Variants in KDM3B observed in about 807,000 individuals in gnomAD.
KDM3B encodes lysine demethylase 3B.
Under a neutral mutation model 170.0 loss-of-function variants are expected in KDM3B, and 10 were observed. The ratio of observed to expected loss-of-function variants is 0.06; its 90% confidence interval spans 0.04 to 0.10. The LOEUF is 0.10. KDM3B is among the 10% of genes least tolerant of loss of function. KDM3B has a pLI of 1.00. For missense variants in KDM3B, 1,394 were observed against 2,195.2 expected, an observed-to-expected ratio of 0.64 and a Z score of 7.29; for synonymous variants, 831 against 834.8, an observed-to-expected ratio of 1.00 and a Z score of 0.08.
chr5:138,367,683 T>A (rs1430492009), intron 1 of KDM3B, among the ~76,000 whole-genome samples: 1 of 152,194 alleles, frequency 6.6e-6, no homozygotes, highest in East Asian at 1.9e-4. Flanking sequence ...TTAAAAAAAT[T>A]TCTTAGCTGA....
intron 2 of KDM3B, chr5:138,374,407 C>T (rs866579549): frequency 1.8e-5 from 6 of 328,682 alleles, no homozygotes; most frequent in Admixed American, 3.8e-5. Context: ...TACAGGCGCC[C>T]ACCACCACTC....
chr5:138,424,367 G>A (rs1456404811), intron 16 of KDM3B, 26 bp downstream of exon 16: 1 of 1,601,834 alleles, frequency 6.2e-7, no homozygotes, highest in East Asian at 2.2e-5. Context: ...TCGTTCCAAG[G>A]GCCAATTCTC....
At chr5:138,370,577 TAA>T (rs984300006) in intron 1 of KDM3B, among the ~76,000 whole-genome samples, 2 of 152,224 alleles carry the variant, frequency 1.3e-5, no homozygotes, top group South Asian at 2.1e-4. Flanking sequence ...AAAATTTTAT[TAA>T]GTTTTTAATG....
At position 138,374,548 on chromosome 5, in the gene KDM3B, C is replaced by T. The variant is rs369051143; in HGVS notation, c.361-545C>T. Among the ~76,000 whole-genome samples, 29 of 152,298 alleles carry T rather than the reference C, an allele frequency of 1.9e-4. No individual in the cohort carries two copies. The East Asian group carries it at 4.6e-3, about 24-fold the overall frequency. On this transcript the variant is annotated intron_variant, in intron 2 of 23. Transcript: ENST00000314358. ...GCTGGGATTACAGGCGTAGCCACTG[C>T]GCCCGGCTTCTCATTTGTTTTTAAG...
intron 11 of KDM3B, among the ~76,000 whole-genome samples, chr5:138,402,296 C>T (rs774827738): frequency 1.3e-5 from 2 of 152,330 alleles, no homozygotes; most frequent in Non-Finnish European, 2.9e-5. Context: ...TATCTTATTA[C>T]GTGCCAGAAA....
intron 1 of KDM3B, among the ~76,000 whole-genome samples, chr5:138,369,088 C>T (rs1361262412): frequency 6.6e-6 from 1 of 151,994 alleles, no homozygotes; most frequent in Non-Finnish European, 1.5e-5. Flanking sequence ...ATCATGGCAC[C>T]TAGCCATACA....
At chr5:138,416,069 AAAAAT>A (rs1405269807) in intron 12 of KDM3B, among the ~76,000 whole-genome samples, 1 of 152,090 alleles carries the variant, frequency 6.6e-6, no homozygotes, top group African/African-American at 2.4e-5. Flanking sequence ...CATATAATTA[AAAAAT>A]AAAATAAATC....
rs533871648 is a variant in KDM3B at position 138,365,501 on chromosome 5, G to A, written c.193-7173G>A. Reference sequence around the variant, plus strand: ...TCAAACTCCTGACCTCAGGTGATCTGCCTGCCTCGGCCTCCCAGAGTGCTG... The same window carrying A: ...TCAAACTCCTGACCTCAGGTGATCTACCTGCCTCGGCCTCCCAGAGTGCTG... On this transcript the variant is annotated intron_variant, in intron 1 of 23. Transcript: ENST00000314358. Among the ~76,000 whole-genome samples, 264 of 151,802 alleles carry A rather than the reference G, an allele frequency of 1.7e-3. 2 individuals are homozygous for A. The highest frequency in any genetic ancestry group is 6.2e-3 in the African/African-American group (256 of 41,390).
chr5:138,379,016 C>A lies in KDM3B; in HGVS notation c.581-568C>A, dbSNP rs376053830. ...ATAAAGTAATATATTTGAAACTCTG[C>A]GTTCCTAGGAAGACAGGTGCTATAT... On this transcript the variant is annotated intron_variant, in intron 4 of 23. Coordinates refer to ENST00000314358, the MANE Select transcript of KDM3B (RefSeq NM_016604.4). Among the ~76,000 whole-genome samples, 95 of 152,024 alleles carry A rather than the reference C, an allele frequency of 6.2e-4. No individual in the cohort carries two copies. The South Asian group carries it at 0.019, about 31-fold the overall frequency.
chr5:138,388,641 T>TAAA (rs60280463), intron 7 of KDM3B, among the ~76,000 whole-genome samples: 19 of 84,630 alleles, frequency 2.2e-4, no homozygotes, highest in East Asian at 7.2e-4. Flanking sequence ...ACTCCGTCTT[T>TAAA]AAAAAAAAAA....
chr5:138,396,375 G>A (rs1412704781), intron 9 of KDM3B, among the ~76,000 whole-genome samples: 6 of 152,156 alleles, frequency 3.9e-5, no homozygotes, highest in South Asian at 2.1e-4. Context: ...GATTACAGGC[G>A]TGAGCCACTG....
chr5:138,409,650 G>A (rs1762909917), intron 11 of KDM3B, among the ~76,000 whole-genome samples: 1 of 152,142 alleles, frequency 6.6e-6, no homozygotes, highest in Admixed American at 6.6e-5. Context: ...GCGTGTGGTG[G>A]CTCATGTCTG....
intron 19 of KDM3B, 117 bp downstream of exon 19, chr5:138,427,436 A>T: frequency 8.6e-7 from 1 of 1,157,460 alleles, no homozygotes; most frequent in Non-Finnish European, 1.2e-6. Context: ...GTGCTGGAGA[A>T]GTGAATAGTA....
intron 15 of KDM3B, 71 bp downstream of exon 15, chr5:138,421,033 G>A: frequency 6.4e-7 from 1 of 1,554,566 alleles, no homozygotes; most frequent in Non-Finnish European, 8.8e-7. Flanking sequence ...AGATAATTGG[G>A]TTAGAGGGTA....
chr5:138,403,279 A>G (rs1486468550), intron 11 of KDM3B, among the ~76,000 whole-genome samples: 1 of 152,250 alleles, frequency 6.6e-6, no homozygotes, highest in Non-Finnish European at 1.5e-5. Flanking sequence ...GCATTTAATC[A>G]GTAATTATCG....
chr5:138,364,844 A>AC (rs553879431), intron 1 of KDM3B, among the ~76,000 whole-genome samples: 2 of 152,128 alleles, frequency 1.3e-5, no homozygotes, highest in Non-Finnish European at 2.9e-5. Context: ...TCATTCTGCA[A>AC]CCCCTGAAAG....
chr5:138,371,569 T>C (rs1294836537), intron 1 of KDM3B, among the ~76,000 whole-genome samples: 4 of 152,150 alleles, frequency 2.6e-5, no homozygotes, highest in Non-Finnish European at 4.4e-5. Flanking sequence ...TTAAGTATAT[T>C]TCAAGAAGTG....
At chr5:138,422,572 A>G (rs1763299009) in intron 15 of KDM3B, among the ~76,000 whole-genome samples, 1 of 152,174 alleles carries the variant, frequency 6.6e-6, no homozygotes, top group African/African-American at 2.4e-5. Context: ...CCTGGGAGGC[A>G]GAAGTTGCAG....
At position 138,435,686 on chromosome 5, in the gene KDM3B, C is replaced by T. The variant is rs1763655500; in HGVS notation, c.5272C>T (p.Leu1758=). The change falls in exon 24 of 24, where the codon CTG becomes TTG. Residue 1758 remains leucine (L), a synonymous_variant. Transcript: ENST00000314358. ...VGTLKAHESK[L]ARS ...CACCCTCAAGGCTCATGAATCCAAA[C>T]TGGCAAGGTCCTAGGCATGGAGAAA... The T allele has an allele frequency of 6.2e-7, 1 of 1,613,134 alleles. No individual in the cohort carries two copies. Among genetic ancestry groups the T allele is most frequent in the African/African-American group, 1.3e-5 (1 of 74,924 alleles).
Sources: allele counts gnomAD v4.1 joint callset (sites outside exome capture counted in the v4.1 genomes callset), GRCh38; gene constraint gnomAD v4.1.1; transcripts MANE v1.5; gene names NCBI Gene and HGNC (gene_info 2026-07-23, HGNC 2026-07-21).